PSMA5: variants seen among roughly 807,000 people sequenced by gnomAD.
PSMA5 encodes proteasome 20S subunit alpha 5.
In PSMA5, 3 loss-of-function variants were observed where a neutral mutation model predicts 34.5. That is an observed-to-expected ratio of 0.09 (90% CI 0.04 to 0.22). PSMA5 has a LOEUF of 0.22. PSMA5 is among the 10% of genes least tolerant of loss of function. The pLI is 1.00. For synonymous variants in PSMA5, 88 were observed against 95.8 expected (o/e 0.92, Z 0.47); for missense variants, 120 against 286.1 (o/e 0.42, Z 4.19).
chr1:109,410,957 T>C (rs1653962617), intron 7 of PSMA5, 54 bp downstream of exon 7: 3 of 1,323,966 alleles, frequency 2.3e-6, no homozygotes, highest in South Asian at 1.2e-5. Flanking sequence ...TTTTATTATA[T>C]GTAAATTATA....
chr1:109,422,481 ACTTTT>A (rs1462717992), intron 1 of PSMA5, among the ~76,000 whole-genome samples: 1 of 116,764 alleles, frequency 8.6e-6, no homozygotes, highest in East Asian at 3.2e-4. Context: ...CACAGTTATT[ACTTTT>A]TTTTTTTTTT....
intron 8 of PSMA5, among the ~76,000 whole-genome samples, chr1:109,405,498 C>T (rs1014606253): frequency 3.3e-5 from 4 of 120,484 alleles, no homozygotes; most frequent in African/African-American, 9.6e-5. Context: ...AGTGCAGTGG[C>T]GTGATTCCAG....
At chr1:109,411,575 TAC>T (rs111494877) in intron 6 of PSMA5, among the ~76,000 whole-genome samples, 1 of 151,774 alleles carries the variant, frequency 6.6e-6, no homozygotes. Flanking sequence ...TGTATATACA[TAC>T]ACACACACAC....
At chr1:109,404,331 A>AAATG (rs1370185670) in intron 8 of PSMA5, among the ~76,000 whole-genome samples, 2 of 152,148 alleles carry the variant, frequency 1.3e-5, no homozygotes, top group African/African-American at 2.4e-5. Flanking sequence ...ATAAATAAAT[A>AAATG]AATAAAAATG....
chr1:109,407,788 C>T (rs540064484), intron 8 of PSMA5, among the ~76,000 whole-genome samples: 4 of 151,980 alleles, frequency 2.6e-5, no homozygotes, highest in African/African-American at 9.7e-5. Context: ...ATTACAGGCA[C>T]GCACCACCAC....
chr1:109,412,186 T>C lies in PSMA5; in HGVS notation c.292-2A>G. ...CTCATTGTAGGTGAACCAGTGGTTCTAGAAGAAGAGCAAAGCATGGTACAA... is the reference window on the plus strand; with the variant it reads ...CTCATTGTAGGTGAACCAGTGGTTCCAGAAGAAGAGCAAAGCATGGTACAA... On this transcript the variant is annotated splice_acceptor_variant, in intron 4 of 8. Coordinates refer to ENST00000271308, the MANE Select transcript of PSMA5 (RefSeq NM_002790.4). LOFTEE classifies it high-confidence loss of function. 6.2e-7 allele frequency: 1 copy of C among 1,611,400 alleles called. No homozygotes were observed. Among genetic ancestry groups the C allele is most frequent in the Middle Eastern group, 1.7e-4 (1 of 6,060 alleles).
intron 3 of PSMA5, 130 bp downstream of exon 3, chr1:109,415,107 G>C (rs1326185416): frequency 8.7e-7 from 1 of 1,151,468 alleles, no homozygotes; most frequent in African/African-American, 1.5e-5. Flanking sequence ...TACGCATTCT[G>C]GCCTACTGCC....
At chr1:109,422,611 T>TACA (rs1302175067) in intron 1 of PSMA5, among the ~76,000 whole-genome samples, 1 of 151,732 alleles carries the variant, frequency 6.6e-6, no homozygotes, top group Non-Finnish European at 1.5e-5. Flanking sequence ...CAGCTAAGAC[T>TACA]ACAGGTGCAT....
chr1:109,402,309 T>C (rs1268749777), intron 8 of PSMA5, among the ~76,000 whole-genome samples: 2 of 152,234 alleles, frequency 1.3e-5, no homozygotes, highest in African/African-American at 4.8e-5. Flanking sequence ...TAAGGTTAAC[T>C]CACCACATCA....
chr1:109,411,865 A>C lies in PSMA5; in HGVS notation c.458+12T>G, dbSNP rs1043138149. 1.2e-6 allele frequency: 2 copies of C among 1,604,188 alleles called. No individual in the cohort carries two copies. Among genetic ancestry groups the C allele is most frequent in the Non-Finnish European group, 1.7e-6 (2 of 1,171,122 alleles). On this transcript the variant is annotated intron_variant, in intron 6 of 8. Coordinates refer to ENST00000271308, the MANE Select transcript of PSMA5 (RefSeq NM_002790.4). ...GCAAAAGCATGGGGGAAAATTACAA[A>C]ATGGTACTTACAGCTGGGGTCCTTT...
At chr1:109,423,490 G>C (rs1654528676) in intron 1 of PSMA5, among the ~76,000 whole-genome samples, 1 of 152,200 alleles carries the variant, frequency 6.6e-6, no homozygotes, top group South Asian at 2.1e-4. Context: ...TTAAATGTTT[G>C]CTGAACATTT....
At chr1:109,407,883 G>C (rs1328374452) in intron 8 of PSMA5, among the ~76,000 whole-genome samples, 3 of 152,128 alleles carry the variant, frequency 2.0e-5, no homozygotes, top group Non-Finnish European at 4.4e-5. Context: ...GGCCTCACGT[G>C]ATCTTCCTGC....
At chr1:109,415,538 A>G (rs1394856380) in intron 2 of PSMA5, among the ~76,000 whole-genome samples, 175 bp from the exon 3 acceptor site, 1 of 152,206 alleles carries the variant, frequency 6.6e-6, no homozygotes. Flanking sequence ...ATTCCTGTCA[A>G]TAGCAAGAAC....
intron 8 of PSMA5, among the ~76,000 whole-genome samples, chr1:109,403,975 C>T (rs1653647623): frequency 6.6e-6 from 1 of 152,020 alleles, no homozygotes; most frequent in South Asian, 2.1e-4. Context: ...ATTAGTTTAC[C>T]ATGTAGACCA....
chr1:109,407,692 G>A (rs144357397), intron 8 of PSMA5, among the ~76,000 whole-genome samples: 109 of 152,152 alleles, frequency 7.2e-4, no homozygotes, highest in East Asian at 2.3e-3. Context: ...AGGATGGAGT[G>A]CAGCTGGAGT....
chr1:109,415,714 C>A (rs1450114642), intron 2 of PSMA5, among the ~76,000 whole-genome samples: 12 of 152,044 alleles, frequency 7.9e-5, no homozygotes, highest in Non-Finnish European at 1.8e-4. Flanking sequence ...TCTCTAATGC[C>A]AATATTTGGA....
At chr1:109,417,184 T>A (rs1654242540) in intron 2 of PSMA5, among the ~76,000 whole-genome samples, 1 of 152,232 alleles carries the variant, frequency 6.6e-6, no homozygotes, top group South Asian at 2.1e-4. Context: ...GTTCCACGCC[T>A]TCCTTAAGTC....
At chr1:109,418,680 A>G (rs1165398166) in intron 2 of PSMA5, among the ~76,000 whole-genome samples, 1 of 152,180 alleles carries the variant, frequency 6.6e-6, no homozygotes, top group Non-Finnish European at 1.5e-5. Flanking sequence ...CCTAGGCTCA[A>G]GTGATTCTCC....
chr1:109,400,175 GA>G lies in PSMA5; in HGVS notation c.*1837del. On this transcript the variant is annotated 3_prime_UTR_variant, in exon 9 of 9. Coordinates refer to ENST00000271308, the MANE Select transcript of PSMA5 (RefSeq NM_002790.4). ...GAGGGAAAACAACTTAAGCTGAGGC[GA>G]ACGGACATAGGCTAAGAGCTACTCC... The G allele has an allele frequency of 6.6e-6, 1 of 152,252 alleles. No homozygotes were observed. Among genetic ancestry groups the G allele is most frequent in the East Asian group, 1.9e-4 (1 of 5,192 alleles). 9.4% of individuals were successfully genotyped at this position (152,252 alleles called of 1,614,324 possible). A position where few individuals can be genotyped will look rare whatever the true frequency, so the allele number is the denominator to read the frequency against.
Sources: allele counts gnomAD v4.1 joint callset (sites outside exome capture counted in the v4.1 genomes callset), GRCh38; gene constraint gnomAD v4.1.1; transcripts MANE v1.5; gene names NCBI Gene and HGNC (gene_info 2026-07-23, HGNC 2026-07-21).